CSRNP3: variants seen among roughly 807,000 people sequenced by gnomAD.
CSRNP3 encodes the protein cysteine/serine-rich nuclear protein 3.
Under a neutral mutation model 48.0 loss-of-function variants are expected in CSRNP3, and 12 were observed. The observed-to-expected ratio is 0.25, with a 90% CI of 0.16 to 0.41. The LOEUF is 0.41. Among genes scored for constraint, CSRNP3 ranks in the 10% least tolerant of loss-of-function variants. CSRNP3 has a pLI of 1.00. For missense variants in CSRNP3, 580 were observed against 724.4 expected, an observed-to-expected ratio of 0.80 and a Z score of 2.29; for synonymous variants, 263 against 269.7, an observed-to-expected ratio of 0.98 and a Z score of 0.24.
At chr2:165,632,447 T>C (rs898396076) in intron 4 of CSRNP3, among the ~76,000 whole-genome samples, 3 of 152,072 alleles carry the variant, frequency 2.0e-5, no homozygotes, top group African/African-American at 7.2e-5. Flanking sequence ...AGTTTGAAGT[T>C]GTAGTGAGCT....
At chr2:165,596,571 T>G (rs1470259289) in intron 4 of CSRNP3, among the ~76,000 whole-genome samples, 3 of 152,202 alleles carry the variant, frequency 2.0e-5, no homozygotes, top group Admixed American at 2.0e-4. Flanking sequence ...GAAAAGATGA[T>G]TATAATTATT....
At chr2:165,482,434 T>C (rs943185402) in intron 1 of CSRNP3, among the ~76,000 whole-genome samples, 1 of 152,060 alleles carries the variant, frequency 6.6e-6, no homozygotes, top group Non-Finnish European at 1.5e-5. Flanking sequence ...GGGCCAGTTT[T>C]TGTATTTTTT....
intron 1 of CSRNP3, among the ~76,000 whole-genome samples, chr2:165,493,077 A>G (rs1443205907): frequency 6.6e-6 from 1 of 152,046 alleles, no homozygotes. Flanking sequence ...ATAAAGAAAC[A>G]GAGGAAGCCA....
At chr2:165,563,292 T>C (rs1017162808) in intron 3 of CSRNP3, among the ~76,000 whole-genome samples, 2 of 152,144 alleles carry the variant, frequency 1.3e-5, no homozygotes, top group Non-Finnish European at 2.9e-5. Flanking sequence ...CTTAGGAGTA[T>C]GCACCTGTAA....
chr2:165,647,970 G>C (rs575136077), intron 4 of CSRNP3, among the ~76,000 whole-genome samples: 1 of 152,252 alleles, frequency 6.6e-6, no homozygotes, highest in Admixed American at 6.5e-5. Context: ...CGGAGCTTCT[G>C]TGTATTATAT....
intron 4 of CSRNP3, among the ~76,000 whole-genome samples, chr2:165,634,371 A>T (rs1686593026): frequency 6.6e-6 from 1 of 152,198 alleles, no homozygotes; most frequent in African/African-American, 2.4e-5. Context: ...ACAGAAAAAC[A>T]TTATTTGAAA....
chr2:165,599,168 T>A (rs1369177371), intron 4 of CSRNP3, among the ~76,000 whole-genome samples: 1 of 151,464 alleles, frequency 6.6e-6, no homozygotes, highest in Non-Finnish European at 1.5e-5. Flanking sequence ...GAGGCTGCAG[T>A]GAGCCATGAT....
chr2:165,490,031 T>C (rs544525382), intron 1 of CSRNP3, among the ~76,000 whole-genome samples: 113 of 152,170 alleles, frequency 7.4e-4, no homozygotes, highest in Non-Finnish European at 1.2e-3. Context: ...GATGACATGA[T>C]TGTTTATCTA....
intron 3 of CSRNP3, among the ~76,000 whole-genome samples, chr2:165,559,796 CTTTTT>C (rs11313094): frequency 1.0e-5 from 1 of 98,424 alleles, no homozygotes; most frequent in Admixed American, 1.3e-4. Context: ...TTCTTTCTTT[CTTTTT>C]TTTTTTTTTT....
At chr2:165,611,753 A>G (rs890374897) in intron 4 of CSRNP3, among the ~76,000 whole-genome samples, 4 of 152,178 alleles carry the variant, frequency 2.6e-5, no homozygotes, top group African/African-American at 9.6e-5. Flanking sequence ...TCTTACTGTT[A>G]GTAAAGTTGT....
chr2:165,668,945 T>C (rs1353042329), intron 5 of CSRNP3, among the ~76,000 whole-genome samples: 3 of 152,228 alleles, frequency 2.0e-5, no homozygotes, highest in East Asian at 1.9e-4. Context: ...TAATTGGCTA[T>C]TTAGCTAGAC....
intron 3 of CSRNP3, among the ~76,000 whole-genome samples, chr2:165,528,462 T>G (rs1019291808): frequency 1.3e-5 from 2 of 152,176 alleles, no homozygotes; most frequent in African/African-American, 4.8e-5. Context: ...AGGTCTTAGG[T>G]TTAAGACTTT....
intron 3 of CSRNP3, among the ~76,000 whole-genome samples, chr2:165,556,300 C>G (rs1319208046): frequency 6.6e-6 from 1 of 152,088 alleles, no homozygotes. Context: ...ATGGCAATGA[C>G]TATAGGTTCA....
At chr2:165,539,714 G>A (rs7593391) in intron 3 of CSRNP3, among the ~76,000 whole-genome samples, 76,338 of 151,870 alleles carry the variant, frequency 0.5, 19,451 homozygotes, top group East Asian at 0.67. Flanking sequence ...CCAAGTGGCT[G>A]CCTGCTAGAG....
chr2:165,490,934 C>A lies in CSRNP3; in HGVS notation c.-282-3825C>A, dbSNP rs901697969. ...ACACCAAAACCAATGGCAACAAAAG[C>A]CAAAATTGACAAATGGGATCTATTT... On this transcript the variant is annotated intron_variant, in intron 1 of 6. Coordinates refer to ENST00000651982, the MANE Select transcript of CSRNP3 (RefSeq NM_001172173.2). Among the ~76,000 whole-genome samples the A allele has an allele frequency of 2.9e-5, 4 of 136,826 alleles. No homozygotes were observed. In the East Asian group the frequency reaches 9.6e-4, roughly 33 times the overall value. 89.8% of individuals were successfully genotyped at this position (136,826 alleles called of 152,430 possible).
chr2:165,669,865 G>A (rs1033805483), intron 5 of CSRNP3, among the ~76,000 whole-genome samples: 1 of 152,042 alleles, frequency 6.6e-6, no homozygotes, highest in African/African-American at 2.4e-5. Flanking sequence ...TTGACCTGGA[G>A]ATCCTAACAG....
rs1240453921 is a variant in CSRNP3, at chr2:165,625,901, A to AACCTGGGCAAAAGAGTG, written c.148+30689_148+30690insCCTGGGCAAAAGAGTGA. ...AGCCGAGATCACACCACTGCACTCC[A>AACCTGGGCAAAAGAGTG]AAACTCCATCTCAAAAAAAAAAAAA... On this transcript the variant is annotated intron_variant, in intron 4 of 6. Coordinates refer to ENST00000651982, the MANE Select transcript of CSRNP3 (RefSeq NM_001172173.2). Among the ~76,000 whole-genome samples, 20 of 146,160 alleles carry AACCTGGGCAAAAGAGTG rather than the reference A, an allele frequency of 1.4e-4. No homozygotes were observed. The East Asian group carries it at 2.0e-3, about 15-fold the overall frequency.
At chr2:165,605,558 T>A (rs959250685) in intron 4 of CSRNP3, among the ~76,000 whole-genome samples, 6 of 152,122 alleles carry the variant, frequency 3.9e-5, no homozygotes, top group African/African-American at 1.4e-4. Context: ...TATTGAAGCT[T>A]GGGGCTTACT....
At chr2:165,493,913 A>G (rs1483079544) in intron 1 of CSRNP3, among the ~76,000 whole-genome samples, 1 of 152,102 alleles carries the variant, frequency 6.6e-6, no homozygotes, top group Non-Finnish European at 1.5e-5. Flanking sequence ...CAGTGTAGGA[A>G]TTTTTGTTTG....
Sources: gnomAD v4.1 joint callset for allele counts (sites outside exome capture counted in the v4.1 genomes callset) on GRCh38, gnomAD v4.1.1 for gene constraint, MANE v1.5 for transcripts, NCBI Gene and HGNC (gene_info 2026-07-23, HGNC 2026-07-21) for gene names.